NSUN6: variants seen among roughly 807,000 people sequenced by gnomAD.
The protein encoded by NSUN6 is tRNA (cytosine(72)-C(5))-methyltransferase NSUN6.
Under a neutral mutation model 58.0 loss-of-function variants are expected in NSUN6, and 64 were observed. The observed-to-expected ratio is 1.10, with a 90% CI of 0.90 to 1.36. NSUN6 has a LOEUF of 1.36. Among genes scored for constraint, NSUN6 ranks in the 40% most tolerant of loss-of-function variants. NSUN6 has a pLI of 0.00. For synonymous variants in NSUN6, 231 were observed against 193.9 expected (o/e 1.19, Z -1.59); for missense variants, 701 against 550.1 (o/e 1.27, Z -2.74).
intron 3 of NSUN6, among the ~76,000 whole-genome samples, chr10:18,625,958 T>C (rs2058786521): frequency 6.6e-6 from 1 of 151,942 alleles, no homozygotes; most frequent in South Asian, 2.1e-4. Flanking sequence ...GGAAATACTA[T>C]GTGGCCTGAA....
Position 18,596,205 on chromosome 10 carries a change from C to CA in NSUN6, c.777+2dup, listed in dbSNP as rs1564776960. Reference sequence around the variant, plus strand: ...AGTGGATTTGCTGTGAAGACAGTCTCACCTGATCATGCATTAGTGCTGCAA... The same window carrying CA: ...AGTGGATTTGCTGTGAAGACAGTCTCAACCTGATCATGCATTAGTGCTGCAA... On this transcript the variant is annotated splice_region_variant and intron_variant, in intron 7 of 10. Coordinates refer to ENST00000377304, the MANE Select transcript of NSUN6 (RefSeq NM_182543.5). The CA allele has an allele frequency of 1.9e-6, 3 of 1,610,396 alleles. No homozygotes were observed. Among genetic ancestry groups the CA allele is most frequent in the African/African-American group, 1.3e-5 (1 of 74,988 alleles).
intron 7 of NSUN6, among the ~76,000 whole-genome samples, chr10:18,592,667 C>T (rs2057421709): frequency 6.6e-6 from 1 of 152,106 alleles, no homozygotes; most frequent in Non-Finnish European, 1.5e-5. Flanking sequence ...TGTCCATATG[C>T]AGAAGACAGA....
intron 3 of NSUN6, among the ~76,000 whole-genome samples, chr10:18,638,541 C>T (rs888413675): frequency 1.3e-5 from 2 of 152,054 alleles, no homozygotes; most frequent in African/African-American, 4.8e-5. Flanking sequence ...CTAAAAATCC[C>T]ACAGGTCTCT....
chr10:18,565,163 T>C (rs142817287), intron 8 of NSUN6, among the ~76,000 whole-genome samples: 2 of 151,384 alleles, frequency 1.3e-5, no homozygotes, highest in Non-Finnish European at 3.0e-5. Flanking sequence ...CTCCATTTCA[T>C]TCCCTTTCAT....
rs2058172393 is a variant in NSUN6, at chr10:18,609,888, C to T, written c.614G>A (p.Ser205Asn). ...GGGCAGTACACTGTCAAATGAAGGG[C>T]TGAGATATACTGGTTCTGTCATTCT... ...GIRMTEPVYLSPSFDSVLPRY... is the reference protein window; with the variant it reads ...GIRMTEPVYLNPSFDSVLPRY... Residue 205 changes from serine (S) to asparagine (N), a missense_variant, in exon 6 of 11, where the codon AGC becomes AAC. Transcript: ENST00000377304. The T allele has an allele frequency of 1.2e-6, 2 of 1,605,476 alleles. No individual in the cohort carries two copies. The highest frequency in any genetic ancestry group is 1.7e-6 in the Non-Finnish European group (2 of 1,172,330).
chr10:18,607,260 T>C (rs1320840753), intron 6 of NSUN6, among the ~76,000 whole-genome samples: 3 of 152,356 alleles, frequency 2.0e-5, no homozygotes, highest in Middle Eastern at 3.4e-3. Context: ...TATATTACTA[T>C]TATATGTAAA....
In NSUN6 at chr10:18,545,723, A is replaced by C; in HGVS notation, c.*210T>G. 1 of 488,544 alleles carries C rather than the reference A, an allele frequency of 2.0e-6. No individual in the cohort carries two copies. The highest frequency in any genetic ancestry group is 4.1e-5 in the Admixed American group (1 of 24,476). 30.3% of individuals were successfully genotyped at this position (488,544 alleles called of 1,614,324 possible). A position where few individuals can be genotyped will look rare whatever the true frequency, so the allele number is the denominator to read the frequency against. On this transcript the variant is annotated 3_prime_UTR_variant, in exon 11 of 11. Transcript: ENST00000377304. The stretch of plus-strand genomic sequence containing the variant: ...TATACTCTACTAAATACATAAAAAA[A>C]AAAAATCTTTTAAAAACAGAAAATA...
Position 18,596,334 on chromosome 10 carries a change from G to C in NSUN6, c.658-7C>G. On this transcript the variant is annotated splice_region_variant and splice_polypyrimidine_tract_variant and intron_variant, in intron 6 of 10. Coordinates refer to ENST00000377304, the MANE Select transcript of NSUN6 (RefSeq NM_182543.5). ...CTAAGGCAGATGGCAAATTCTATAA[G>C]GAAAAAAATGTAATCGATTATCAAT... 1 of 1,534,934 alleles carries C rather than the reference G, an allele frequency of 6.5e-7. No individual in the cohort carries two copies. The highest frequency in any genetic ancestry group is 9.0e-7 in the Non-Finnish European group (1 of 1,112,126).
chr10:18,559,413 GGGAAT>G (rs2055308087), intron 8 of NSUN6, among the ~76,000 whole-genome samples: 3 of 147,446 alleles, frequency 2.0e-5, no homozygotes, highest in South Asian at 2.1e-4. Flanking sequence ...GAATGGAATG[GGGAAT>G]GGAATGGAAT....
intron 6 of NSUN6, among the ~76,000 whole-genome samples, chr10:18,605,433 A>G (rs1388527405): frequency 6.6e-6 from 1 of 152,198 alleles, no homozygotes; most frequent in Non-Finnish European, 1.5e-5. Flanking sequence ...CCTGACTGGC[A>G]AAGTTGGAAA....
intron 6 of NSUN6, among the ~76,000 whole-genome samples, chr10:18,598,146 C>T (rs1209331343): frequency 2.0e-5 from 3 of 152,218 alleles, no homozygotes; most frequent in African/African-American, 7.2e-5. Context: ...ATCTCCCCCA[C>T]CCTTAAGAAG....
intron 7 of NSUN6, among the ~76,000 whole-genome samples, chr10:18,594,938 T>C (rs10764603): frequency 0.34 from 51,927 of 151,838 alleles, 9,439 homozygotes; most frequent in East Asian, 0.73. Flanking sequence ...TGAAAAGCAC[T>C]TGAACAGTTG....
At chr10:18,588,933 G>A (rs954662489) in intron 7 of NSUN6, among the ~76,000 whole-genome samples, 9 of 152,296 alleles carry the variant, frequency 5.9e-5, no homozygotes, top group African/African-American at 2.2e-4. Flanking sequence ...CAAACTGACA[G>A]AAGTAGGCTT....
intron 3 of NSUN6, among the ~76,000 whole-genome samples, chr10:18,628,614 G>A (rs996102070): frequency 6.6e-6 from 1 of 152,186 alleles, no homozygotes; most frequent in Non-Finnish European, 1.5e-5. Context: ...GAATGTAGAA[G>A]CCTCAGGAGC....
At chr10:18,581,707 T>A (rs528605997) in intron 8 of NSUN6, among the ~76,000 whole-genome samples, 35 of 151,794 alleles carry the variant, frequency 2.3e-4, no homozygotes, top group African/African-American at 7.3e-4. Flanking sequence ...GCGCCTGTAG[T>A]CCCAGCTACT....
rs2131613478 is a variant in NSUN6, at chr10:18,651,490, A to C, written c.-287T>G. Reference sequence around the variant, plus strand: ...ATGCCACTCACGTTGCAAAGAACCAAAAAAAGAAAAAAATGCTTAGTAACT... The same window carrying C: ...ATGCCACTCACGTTGCAAAGAACCACAAAAAGAAAAAAATGCTTAGTAACT... On this transcript the variant is annotated 5_prime_UTR_variant, in exon 1 of 11. Coordinates refer to ENST00000377304, the MANE Select transcript of NSUN6 (RefSeq NM_182543.5). 9.1e-7 allele frequency: 1 copy of C among 1,095,924 alleles called. No individual in the cohort carries two copies. The allele number at this position is 1,095,924 out of a possible 1,614,324, so 67.9% of individuals were successfully genotyped here. A position where few individuals can be genotyped will look rare whatever the true frequency, so the allele number is the denominator to read the frequency against.
intron 3 of NSUN6, among the ~76,000 whole-genome samples, chr10:18,639,665 T>C (rs1487156159): frequency 6.6e-6 from 1 of 152,262 alleles, no homozygotes; most frequent in Non-Finnish European, 1.5e-5. Context: ...CATTCACTCA[T>C]GTTCTGATGA....
intron 8 of NSUN6, among the ~76,000 whole-genome samples, chr10:18,583,208 A>C (rs894497823): frequency 5.9e-5 from 9 of 152,154 alleles, no homozygotes; most frequent in African/African-American, 2.2e-4. Flanking sequence ...TCTCTCCACC[A>C]CGCATCTTGT....
In NSUN6 at chr10:18,582,296, G is replaced by A. The variant is rs565425258; in HGVS notation, c.922+3653C>T. ...CACCTGATGCTTGCCTGACATTCCC[G>A]GTTGTGGAGGCTCTCTCCTGCCCTG... On this transcript the variant is annotated intron_variant, in intron 8 of 10. Coordinates refer to ENST00000377304, the MANE Select transcript of NSUN6 (RefSeq NM_182543.5). Among the ~76,000 whole-genome samples, 8 of 152,142 alleles carry A rather than the reference G, an allele frequency of 5.3e-5. No individual in the cohort carries two copies. The South Asian group carries it at 6.2e-4, about 12-fold the overall frequency.
Sources: allele counts gnomAD v4.1 joint callset (sites outside exome capture counted in the v4.1 genomes callset), GRCh38; gene constraint gnomAD v4.1.1; transcripts MANE v1.5; gene names NCBI Gene and HGNC (gene_info 2026-07-23, HGNC 2026-07-21).